The following GNAS variants were observed in gnomAD, a reference collection of about 807,000 sequenced individuals.
GNAS encodes the protein protein ALEX.
A neutral mutation model predicts 54.5 loss-of-function variants in GNAS; 8 were observed. The ratio of observed to expected loss-of-function variants is 0.15; its 90% CI spans 0.09 to 0.26. The LOEUF is 0.26. Ranked by LOEUF, GNAS falls within the 10% of genes least tolerant of loss-of-function variation. The probability of loss-of-function intolerance (pLI) is 1.00; values close to 1 mark genes in which losing one functional copy is unlikely to be tolerated. For missense variants in GNAS, 170 were observed against 529.8 expected (o/e 0.32, Z 6.67); for synonymous variants, 204 against 191.4 (o/e 1.07, Z -0.54).
upstream of GNAS, among the ~76,000 whole-genome samples, chr20:58,889,736 G>A (rs2088946747): frequency 1.3e-5 from 2 of 150,876 alleles, no homozygotes; most frequent in South Asian, 4.1e-4. Context: ...GGGCAGCCGC[G>A]CTCCGCGGCC....
At chr20:58,907,058 A>T (rs956360765) in intron 6 of GNAS, among the ~76,000 whole-genome samples, 25 of 152,170 alleles carry the variant, frequency 1.6e-4, no homozygotes, top group African/African-American at 5.8e-4. Flanking sequence ...ACCAAGGGCT[A>T]AGATTGCTTT....
At position 58,841,222 on chromosome 20, in the gene GNAS, G is replaced by T; in HGVS notation, c.43+336G>T. On this transcript the variant is annotated intron_variant, in intron 1 of 12. Transcript: ENST00000306090. This position sits in a 1 kb window ranked among gnomAD's most constrained non-coding sequence, Gnocchi z 5.0. ...GGAGCTGCACACCCAAACGGCATTG[G>T]TAAGTCACTTGTTTTGCGCGCTTTT... is the stretch of plus-strand genomic sequence containing the variant. The T allele has an allele frequency of 1.4e-6, 1 of 728,636 alleles. No individual in the cohort carries two copies. Among genetic ancestry groups the T allele is most frequent in the Non-Finnish European group, 1.8e-6 (1 of 543,920 alleles). The allele number at this position is 728,636 out of a possible 1,614,324, so 45.1% of individuals were successfully genotyped here.
In GNAS at chr20:58,865,013, A is replaced by C. The variant is rs529759216; in HGVS notation, c.43+24127A>C. The stretch of plus-strand genomic sequence containing the variant: ...CTCTCTGACAACCAAAACTGTTTCT[A>C]GTCATTGCCAAATGTCACCCCTCAT... On this transcript the variant is annotated intron_variant, in intron 1 of 12. Coordinates refer to the GNAS transcript ENST00000306090. Among the ~76,000 whole-genome samples, 17 of 152,156 alleles carry C rather than the reference A, an allele frequency of 1.1e-4. No homozygotes were observed. In the East Asian group the frequency reaches 3.3e-3, roughly 29 times the overall value.
intron 2 of GNAS, among the ~76,000 whole-genome samples, chr20:58,896,573 C>A (rs1002527172): frequency 6.6e-6 from 1 of 151,342 alleles, no homozygotes; most frequent in African/African-American, 2.4e-5. Flanking sequence ...CTTTTCTCCC[C>A]AAGACCCCAG....
chr20:58,849,019 C>T (rs946857987), intron 1 of GNAS: 1 of 396,628 alleles, frequency 2.5e-6, no homozygotes, highest in Non-Finnish European at 4.4e-6. Flanking sequence ...AAGGCAATTC[C>T]TATTTAAATC....
Position 58,846,804 on chromosome 20 carries a change from T to C in GNAS, c.43+5918T>C, listed in dbSNP as rs571613111. On this transcript the variant is annotated intron_variant, in intron 1 of 12. Coordinates refer to the GNAS transcript ENST00000306090. The stretch of plus-strand genomic sequence containing the variant: ...TGTTCTAGAAGGTGAAATATACCAT[T>C]CCCCTTAAACAATGATGCCCAGAAG... Among the ~76,000 whole-genome samples, 24 of 152,288 alleles carry C rather than the reference T, an allele frequency of 1.6e-4. No homozygotes were observed. The East Asian group carries it at 4.4e-3, about 28-fold the overall frequency.
upstream of GNAS, chr20:58,840,108 TGG>T (rs761688848): frequency 3.7e-6 from 6 of 1,610,390 alleles, no homozygotes; most frequent in Admixed American, 1.0e-4. The surrounding 1 kb of genome is among the most constrained non-coding windows in gnomAD (Gnocchi z 6.0). Flanking sequence ...CCTAAGAGGA[TGG>T]ATCGGAGGTC....
rs762409020 is a variant in GNAS at position 58,905,494 on chromosome 20, A to G, written c.530+14A>G. ...CTGTGCCCAGTAGTAAGTAACCGCCACCCAACCCATCAGCACATAAAACAG... is the reference window on the plus strand; with the variant it reads ...CTGTGCCCAGTAGTAAGTAACCGCCGCCCAACCCATCAGCACATAAAACAG... On this transcript the variant is annotated intron_variant, in intron 6 of 12. Transcript: ENST00000371085. 1 of 1,346,906 alleles carries G rather than the reference A, an allele frequency of 7.4e-7. No individual in the cohort carries two copies. The highest frequency in any genetic ancestry group is 1.7e-5 in the Admixed American group (1 of 59,720). 83.4% of individuals were successfully genotyped at this position (1,346,906 alleles called of 1,614,324 possible).
At chr20:58,892,049 G>A (rs1260809423) in intron 1 of GNAS, 184 bp downstream of exon 1, 12 of 921,816 alleles carry the variant, frequency 1.3e-5, no homozygotes, top group Non-Finnish European at 1.6e-5. Flanking sequence ...TCGGCCGGGC[G>A]GGGGCTCAAA....
At chr20:58,906,907 A>G (rs1299540236) in intron 6 of GNAS, among the ~76,000 whole-genome samples, 1 of 152,220 alleles carries the variant, frequency 6.6e-6, no homozygotes, top group Non-Finnish European at 1.5e-5. Context: ...ATTCTGAAGT[A>G]GGAGTGTCCT....
At chr20:58,881,520 G>A (rs991725340) in intron 1 of GNAS, among the ~76,000 whole-genome samples, 22 of 152,224 alleles carry the variant, frequency 1.4e-4, no homozygotes, top group Non-Finnish European at 2.8e-4. Context: ...TGGAGATAGC[G>A]CCGTTTGCTT....
chr20:58,909,268 C>G lies in GNAS; in HGVS notation c.585+52C>G, dbSNP rs41276954. 7.3e-4 allele frequency: 1,161 copies of G among 1,586,700 alleles called. 1 individual carries two copies. The highest frequency in any genetic ancestry group is 8.8e-4 in the Non-Finnish European group (1,014 of 1,154,976). ...GACTCTGAGCCCTCTTTCCAAACTA[C>G]TCCAGACCTTTGCTTTAGATTGGCA... On this transcript the variant is annotated intron_variant, in intron 7 of 12. Transcript: ENST00000371085. This position sits in a 1 kb window ranked among gnomAD's most constrained non-coding sequence, Gnocchi z 7.3.
chr20:58,884,744 T>G (rs542697481), intron 1 of GNAS: 1 of 152,376 alleles, frequency 6.6e-6, no homozygotes, highest in South Asian at 2.1e-4. Context: ...TTAGGAAAAT[T>G]AGCTTTCCTG....
At chr20:58,905,028 T>G (rs1042062905) in intron 5 of GNAS, among the ~76,000 whole-genome samples, 1 of 152,196 alleles carries the variant, frequency 6.6e-6, no homozygotes, top group African/African-American at 2.4e-5. Context: ...TTCACAACAT[T>G]GAACCATTTA....
intron 3 of GNAS, among the ~76,000 whole-genome samples, chr20:58,901,364 A>G (rs544458222): frequency 6.6e-6 from 1 of 152,380 alleles, no homozygotes; most frequent in East Asian, 1.9e-4. Flanking sequence ...ACAGTCGCAC[A>G]GAGCGGTCAG....
At chr20:58,902,867 G>C (rs1483029919) in intron 3 of GNAS, 1 of 158,420 alleles carries the variant, frequency 6.3e-6, no homozygotes, top group African/African-American at 2.4e-5. Flanking sequence ...TAGTAGCTGG[G>C]ATTACAGGTG....
In GNAS at chr20:58,853,956, G is replaced by C; in HGVS notation, c.43+13070G>C. 1 of 1,612,314 alleles carries C rather than the reference G, an allele frequency of 6.2e-7. No individual in the cohort carries two copies. Among genetic ancestry groups the C allele is most frequent in the East Asian group, 2.2e-5 (1 of 44,860 alleles). Reference sequence around the variant, plus strand: ...GACTATGCCATTTGAGCTTGATGGAGAAGGATTTGGGGACGACAGCCCACC... The same window carrying C: ...GACTATGCCATTTGAGCTTGATGGACAAGGATTTGGGGACGACAGCCCACC... On this transcript the variant is annotated intron_variant, in intron 1 of 12. Coordinates refer to the GNAS transcript ENST00000306090. This position sits in a 1 kb window ranked among gnomAD's most constrained non-coding sequence, Gnocchi z 4.4.
In GNAS at chr20:58,841,896, G is replaced by A. The variant is rs1268927884; in HGVS notation, c.43+1010G>A. On this transcript the variant is annotated intron_variant, in intron 1 of 12. Coordinates refer to the GNAS transcript ENST00000306090. The surrounding 1 kb of genome is among the most constrained non-coding windows in gnomAD (Gnocchi z 5.0). ...GAAAGGTAAAGCGGAACAAGGGACA[G>A]GCTGGAGACGGGGGTCGCGTCTAAC... 7 of 1,230,624 alleles carry A rather than the reference G, an allele frequency of 5.7e-6. No individual in the cohort carries two copies. The highest frequency in any genetic ancestry group is 3.1e-5 in the African/African-American group (2 of 64,424). 76.2% of individuals were successfully genotyped at this position (1,230,624 alleles called of 1,614,324 possible).
intron 6 of GNAS, among the ~76,000 whole-genome samples, chr20:58,906,317 T>C (rs984044752): frequency 2.6e-5 from 4 of 152,192 alleles, no homozygotes; most frequent in Non-Finnish European, 4.4e-5. Context: ...TGCACAACTC[T>C]ACCTGATGCC....
Sources: gnomAD v4.1 joint callset for allele counts (sites outside exome capture counted in the v4.1 genomes callset) on GRCh38, gnomAD v4.1.1 for gene constraint, Gnocchi (gnomAD v3.1) non-coding constraint, MANE v1.5 for transcripts, NCBI Gene and HGNC (gene_info 2026-07-23, HGNC 2026-07-21) for gene names.